The following PCDH11X variants were observed in gnomAD, a reference collection of about 807,000 sequenced individuals.
PCDH11X encodes the protein protocadherin 11 X-linked.
A neutral mutation model predicts 53.3 loss-of-function variants in PCDH11X; 18 were observed. The ratio of observed to expected loss-of-function variants is 0.34; its 90% CI spans 0.23 to 0.50. The LOEUF (loss-of-function observed/expected upper bound fraction) is 0.50. Among genes scored for constraint, PCDH11X ranks in the 20% least tolerant of loss-of-function variants. The probability of loss-of-function intolerance (pLI) is 0.98; values close to 1 mark genes in which losing one functional copy is unlikely to be tolerated. For synonymous variants in PCDH11X, 279 were observed against 393.3 expected (o/e 0.71, Z 3.44); for missense variants, 570 against 1,032.4 (o/e 0.55, Z 6.14).
intron 8 of PCDH11X, among the ~76,000 whole-genome samples, chrX:92,370,445 C>CAA (rs2070589447): frequency 1.0e-5 from 1 of 97,143 alleles, no homozygotes; most frequent in Non-Finnish European, 2.0e-5. Context: ...GTTGAAGAGC[C>CAA]ATATGTTCTT....
At chrX:92,217,242 A>C (rs192959911) in intron 7 of PCDH11X, among the ~76,000 whole-genome samples, 112 of 111,485 alleles carry the variant, frequency 1.0e-3, no homozygotes, top group African/African-American at 3.5e-3. Context: ...GCTCCAATTA[A>C]AAGACACAGA....
intron 7 of PCDH11X, among the ~76,000 whole-genome samples, chrX:92,229,564 A>G (rs1349378171): frequency 9.0e-6 from 1 of 111,541 alleles, no homozygotes; most frequent in African/African-American, 3.3e-5. Flanking sequence ...GCCTAGAGAG[A>G]AGAAAAACTC....
chrX:92,331,112 C>T (rs1390332876), intron 8 of PCDH11X, among the ~76,000 whole-genome samples: 6 of 106,557 alleles, frequency 5.6e-5, no homozygotes, highest in Non-Finnish European at 1.2e-4. Flanking sequence ...TACTTTTGTA[C>T]AAATAATTAT....
At chrX:92,447,958 A>G (rs1034799343) in intron 9 of PCDH11X, among the ~76,000 whole-genome samples, 1 of 108,950 alleles carries the variant, frequency 9.2e-6, no homozygotes, top group African/African-American at 3.4e-5. Flanking sequence ...TTGGGGCTTT[A>G]AGATTTCACT....
intron 9 of PCDH11X, among the ~76,000 whole-genome samples, chrX:92,401,338 T>G (rs1045718269): frequency 8.1e-4 from 90 of 110,883 alleles, no homozygotes; most frequent in African/African-American, 2.9e-3. Context: ...CAGGAAGGAA[T>G]AATAGTATAC....
intron 6 of PCDH11X, among the ~76,000 whole-genome samples, chrX:92,036,967 A>C (rs1404577115): frequency 8.9e-6 from 1 of 111,926 alleles, no homozygotes; most frequent in African/African-American, 3.3e-5. Flanking sequence ...TATTTTGCCC[A>C]TGCCCTAGAA....
chrX:92,185,721 G>A (rs369684505), intron 6 of PCDH11X, among the ~76,000 whole-genome samples: 1 of 110,217 alleles, frequency 9.1e-6, no homozygotes, highest in East Asian at 2.8e-4. Context: ...CATACAAATG[G>A]CCAATAAGTA....
intron 6 of PCDH11X, among the ~76,000 whole-genome samples, chrX:91,991,866 C>T (rs145123148): frequency 1.8e-5 from 2 of 108,696 alleles, no homozygotes; most frequent in African/African-American, 3.3e-5. Context: ...GACCTGTATC[C>T]GTTTTGTTTC....
At chrX:92,126,169 G>A (rs1487266115) in intron 6 of PCDH11X, among the ~76,000 whole-genome samples, 1 of 110,544 alleles carries the variant, frequency 9.0e-6, no homozygotes, top group African/African-American at 3.3e-5. Flanking sequence ...TATAAACTGC[G>A]TTTTCTGATT....
intron 9 of PCDH11X, among the ~76,000 whole-genome samples, chrX:92,392,564 C>A (rs1051057638): frequency 9.1e-6 from 1 of 110,066 alleles, no homozygotes; most frequent in Admixed American, 9.8e-5. Flanking sequence ...TTCTCCTGAT[C>A]TGCTAAGAGT....
intron 5 of PCDH11X, among the ~76,000 whole-genome samples, chrX:91,866,799 C>T (rs960548264): frequency 8.1e-5 from 9 of 111,017 alleles, no homozygotes; most frequent in African/African-American, 3.0e-4. Flanking sequence ...TCAATGGAAG[C>T]TTCTATTCTG....
chrX:91,810,922 T>A (rs1448659068), intron 3 of PCDH11X, among the ~76,000 whole-genome samples: 1 of 112,082 alleles, frequency 8.9e-6, no homozygotes, highest in Non-Finnish European at 1.9e-5. Flanking sequence ...GTTATAATGA[T>A]CCAAGGAATA....
At position 91,861,289 on chromosome X, in the gene PCDH11X, T is replaced by C. The variant is rs371390866; in HGVS notation, c.541-15492T>C. ...TAGAGGTGTTTATAGTATTCTCTGATGGTTGTTTGTGTTTCTGTGGGTAGG... is the reference window on the plus strand; with the variant it reads ...TAGAGGTGTTTATAGTATTCTCTGACGGTTGTTTGTGTTTCTGTGGGTAGG... On this transcript the variant is annotated intron_variant, in intron 5 of 10. Transcript: ENST00000682573. 7.1e-5 allele frequency among the ~76,000 whole-genome samples: 8 copies of C among 112,077 alleles called. No individual in the cohort carries two copies. The South Asian group carries it at 1.9e-3, about 26-fold the overall frequency.
chrX:92,082,871 ATTAAT>A (rs1366031978), intron 6 of PCDH11X, among the ~76,000 whole-genome samples: 1 of 93,831 alleles, frequency 1.1e-5, no homozygotes, highest in Admixed American at 1.1e-4. Flanking sequence ...AAAAATAAGT[ATTAAT>A]TCTACAAATA....
chrX:92,312,771 C>A (rs2068978308), intron 8 of PCDH11X, among the ~76,000 whole-genome samples: 1 of 111,464 alleles, frequency 9.0e-6, no homozygotes, highest in African/African-American at 3.3e-5. Context: ...ACTGTTTCAA[C>A]TTACTATTTT....
intron 6 of PCDH11X, among the ~76,000 whole-genome samples, chrX:92,013,101 G>A (rs1395996449): frequency 9.0e-6 from 1 of 111,435 alleles, no homozygotes; most frequent in Non-Finnish European, 1.9e-5. Context: ...GTCCCTGTTT[G>A]CAGATGACAT....
At chrX:92,228,758 A>T (rs190497119) in intron 7 of PCDH11X, among the ~76,000 whole-genome samples, 1,568 of 111,641 alleles carry the variant, frequency 0.014, 27 homozygotes, top group African/African-American at 0.048. Context: ...TTGAAAAAAA[A>T]TTTTTGATGT....
chrX:92,258,482 C>G, intron 7 of PCDH11X, among the ~76,000 whole-genome samples: 1 of 109,270 alleles, frequency 9.2e-6, no homozygotes, highest in Non-Finnish European at 1.9e-5. Context: ...ATTCTCCTGC[C>G]TCAGCCTCTG....
chrX:92,433,492 A>G (rs1317592655), intron 9 of PCDH11X, among the ~76,000 whole-genome samples: 5 of 110,421 alleles, frequency 4.5e-5, no homozygotes, highest in Non-Finnish European at 9.5e-5. Flanking sequence ...GGCAGCTGGA[A>G]GAGGTCCCAT....
Sources: allele counts gnomAD v4.1 joint callset (sites outside exome capture counted in the v4.1 genomes callset), GRCh38; gene constraint gnomAD v4.1.1; transcripts MANE v1.5; gene names NCBI Gene and HGNC (gene_info 2026-07-23, HGNC 2026-07-21).